Variants in LINC00632 observed in about 807,000 individuals in gnomAD.
LINC00632 encodes ALDOA related specific transcript.
chrX:140,771,614 C>T (rs12353788), intron 3 of LINC00632, among the ~76,000 whole-genome samples: 16 of 7,142 alleles, frequency 2.2e-3, no homozygotes, highest in Non-Finnish European at 3.4e-3. Context: ...GGCATATATA[C>T]ACACACACAC....
At position 140,738,311 on chromosome X, in the gene LINC00632, G is replaced by T. The variant is rs192508768; in HGVS notation, n.191+4347G>T. On this transcript the variant is annotated intron_variant and non_coding_transcript_variant, in intron 3 of 4. Coordinates refer to ENST00000648200, the Ensembl canonical transcript of LINC00632. ...TTCCTACTCACATACTTCTTGAAAA[G>T]AATTTGTGTAACAGTAGCCTAGTGT... Among the ~76,000 whole-genome samples, 637 of 112,201 alleles carry T rather than the reference G, an allele frequency of 5.7e-3. 1 individual carries two copies. Among genetic ancestry groups the T allele is most frequent in the Non-Finnish European group, 9.5e-3 (508 of 53,229 alleles).
chrX:140,739,863 A>G (rs1299465625), intron 3 of LINC00632, among the ~76,000 whole-genome samples: 1 of 111,509 alleles, frequency 9.0e-6, no homozygotes, highest in Non-Finnish European at 1.9e-5. Context: ...TAAATACACC[A>G]AGTCATTTAT....
At chrX:140,778,332 C>G (rs996085616) in exon 5 of LINC00632, among the ~76,000 whole-genome samples, 2 of 112,198 alleles carry the variant, frequency 1.8e-5, no homozygotes, top group African/African-American at 3.2e-5. Context: ...TTTGGCTGGG[C>G]GTGGTGGCTC....
At chrX:140,718,927 T>C (rs1930683460) in intron 2 of LINC00632, among the ~76,000 whole-genome samples, 1 of 111,506 alleles carries the variant, frequency 9.0e-6, no homozygotes, top group Non-Finnish European at 1.9e-5. Context: ...GAACACCACA[T>C]TGGCTCCACA....
intron 2 of LINC00632, among the ~76,000 whole-genome samples, chrX:140,723,614 A>T (rs1930797540): frequency 3.4e-3 from 2 of 590 alleles, no homozygotes; most frequent in Non-Finnish European, 5.5e-3. Context: ...CATTCCATAA[A>T]CACACACACA....
chrX:140,758,321 T>C (rs1931526690), intron 3 of LINC00632, among the ~76,000 whole-genome samples: 1 of 110,724 alleles, frequency 9.0e-6, no homozygotes. Context: ...CAGATTTTTC[T>C]AGAATATGTT....
At chrX:140,724,275 CACAG>C (rs1313106907) in intron 2 of LINC00632, among the ~76,000 whole-genome samples, 39 of 63,660 alleles carry the variant, frequency 6.1e-4, no homozygotes, top group African/African-American at 1.4e-3. Flanking sequence ...ATTCTGTACA[CACAG>C]ACACACATTC....
intron 3 of LINC00632, among the ~76,000 whole-genome samples, chrX:140,771,169 A>G (rs1416207671): frequency 9.0e-6 from 1 of 111,481 alleles, no homozygotes; most frequent in Non-Finnish European, 1.9e-5. Context: ...ATTAAAAATG[A>G]ATAAGTGAAC....
intron 2 of LINC00632, among the ~76,000 whole-genome samples, chrX:140,723,200 C>T (rs969583188): frequency 2.8e-5 from 1 of 35,506 alleles, no homozygotes; most frequent in Non-Finnish European, 5.6e-5. Flanking sequence ...TACAGAAAGT[C>T]ATACAACAAG....
At chrX:140,712,970 C>T in intron 2 of LINC00632, among the ~76,000 whole-genome samples, 1 of 110,703 alleles carries the variant, frequency 9.0e-6, no homozygotes, top group South Asian at 3.9e-4. Context: ...CCTGACTTGC[C>T]GCATTAGACT....
chrX:140,725,886 C>T (rs1057425739), intron 2 of LINC00632, among the ~76,000 whole-genome samples: 20 of 111,535 alleles, frequency 1.8e-4, no homozygotes, highest in Middle Eastern at 4.6e-3. Context: ...AATCAGACAA[C>T]GCAGAAACAC....
chrX:140,780,611 T>C (rs114277785), exon 5 of LINC00632, among the ~76,000 whole-genome samples: 1,576 of 111,737 alleles, frequency 0.014, 20 homozygotes, highest in African/African-American at 0.049. Context: ...TAAAGCTAAA[T>C]AGGGCCTGCT....
intron 3 of LINC00632, among the ~76,000 whole-genome samples, chrX:140,765,945 C>A (rs767065610): frequency 1.8e-5 from 2 of 112,123 alleles, no homozygotes; most frequent in Non-Finnish European, 3.8e-5. Flanking sequence ...AACGATTGTT[C>A]AAATCCGTGT....
At chrX:140,734,613 G>GA (rs748659369) in intron 3 of LINC00632, among the ~76,000 whole-genome samples, 91 of 109,423 alleles carry the variant, frequency 8.3e-4, no homozygotes, top group Middle Eastern at 4.7e-3. Flanking sequence ...TACAAGAATT[G>GA]AAAAAAAATT....
At chrX:140,776,238 CG>C (rs1426242119) in exon 5 of LINC00632, among the ~76,000 whole-genome samples, 2 of 107,493 alleles carry the variant, frequency 1.9e-5, no homozygotes, top group Non-Finnish European at 3.9e-5. Context: ...GACTGGGATC[CG>C]GTGCGGAGAG....
At chrX:140,786,546 T>G (rs1171619544) in exon 5 of LINC00632, among the ~76,000 whole-genome samples, 1 of 111,538 alleles carries the variant, frequency 9.0e-6, no homozygotes, top group Non-Finnish European at 1.9e-5. Context: ...ACAATAGCCA[T>G]GGGACCCAGC....
intron 2 of LINC00632, among the ~76,000 whole-genome samples, chrX:140,719,915 C>G (rs772928186): frequency 9.2e-6 from 1 of 108,757 alleles, no homozygotes; most frequent in Admixed American, 9.9e-5. Flanking sequence ...TGGTGAAACC[C>G]TGACTCTACT....
chrX:140,723,476 TACACACACATTCCATACACGC>T (rs1930784249), intron 2 of LINC00632, among the ~76,000 whole-genome samples: 3 of 889 alleles, frequency 3.4e-3, no homozygotes, highest in African/African-American at 0.014. Context: ...TCCATACACA[TACACACACATTCCATACACGC>T]ACACACACAT....
intron 2 of LINC00632, chrX:140,714,512 A>G (rs2148375557): frequency 8.9e-6 from 1 of 112,135 alleles, no homozygotes; most frequent in Admixed American, 9.5e-5. Flanking sequence ...CAAAAGACAC[A>G]CTCACCACAC....
Sources: allele counts gnomAD v4.1 joint callset (sites outside exome capture counted in the v4.1 genomes callset), GRCh38; gene constraint gnomAD v4.1.1; transcripts MANE v1.5; gene names NCBI Gene and HGNC (gene_info 2026-07-23, HGNC 2026-07-21).